OGG1: variants seen among roughly 807,000 people sequenced by gnomAD.
OGG1 encodes the protein N-glycosylase/DNA lyase.
A neutral mutation model predicts 42.3 loss-of-function variants in OGG1; 35 were observed. That is an observed-to-expected ratio of 0.83 (90% CI 0.63 to 1.10). The LOEUF (loss-of-function observed/expected upper bound fraction) is 1.10. Ranked by LOEUF, OGG1 falls within the 50% of genes least tolerant of loss-of-function variation. The pLI is 0.00. For synonymous variants in OGG1, 189 were observed against 179.0 expected (o/e 1.06, Z -0.44); for missense variants, 484 against 446.7 (o/e 1.08, Z -0.75).
chr3:9,769,592 C>T (rs1248206708), downstream of OGG1, among the ~76,000 whole-genome samples: 1 of 152,192 alleles, frequency 6.6e-6, no homozygotes, highest in Non-Finnish European at 1.5e-5. Flanking sequence ...CAGTCAGGCC[C>T]AGCTGAAGGC....
chr3:9,750,274 G>C lies in OGG1; in HGVS notation c.-13G>C, dbSNP rs374962591. On this transcript the variant is annotated 5_prime_UTR_variant, in exon 1 of 7. Transcript: ENST00000344629. ...GTAGGCGGGGCTACTACGGGGCGGT[G>C]CCTGCTGTGGAAATGCCTGCCCGCG... The C allele has an allele frequency of 1.9e-6, 3 of 1,606,666 alleles. No homozygotes were observed. The highest frequency in any genetic ancestry group is 1.1e-5 in the South Asian group (1 of 90,870).
chr3:9,760,488 A>G (rs2077802988), downstream of OGG1: 13 of 613,126 alleles, frequency 2.1e-5, no homozygotes, highest in East Asian at 3.8e-4. Flanking sequence ...AGCAGAAGGA[A>G]GTACCCAAGC....
downstream of OGG1, among the ~76,000 whole-genome samples, chr3:9,770,850 G>A (rs1260407684): frequency 6.6e-6 from 1 of 152,048 alleles, no homozygotes; most frequent in Non-Finnish European, 1.5e-5. Flanking sequence ...GGGGGCAGCC[G>A]GAGGAGGCAC....
intron 3 of OGG1, chr3:9,784,346 A>G: frequency 8.4e-7 from 1 of 1,185,642 alleles, no homozygotes. Context: ...ATCTATCCAG[A>G]TACAAAGGGA....
At chr3:9,785,637 A>G (rs2078589598) in intron 3 of OGG1, among the ~76,000 whole-genome samples, 1 of 152,248 alleles carries the variant, frequency 6.6e-6, no homozygotes, top group Admixed American at 6.5e-5. Context: ...AAAAAGGAAC[A>G]CAGAAGAGAA....
chr3:9,750,717 A>T, intron 1 of OGG1: 1 of 692,918 alleles, frequency 1.4e-6, no homozygotes, highest in Non-Finnish European at 2.4e-6. Flanking sequence ...TCCAGCCTCG[A>T]CCCCCCGGGC....
intron 4 of OGG1, among the ~76,000 whole-genome samples, chr3:9,755,397 G>A (rs2077490522): frequency 6.6e-6 from 1 of 151,172 alleles, no homozygotes; most frequent in South Asian, 2.1e-4. Flanking sequence ...GACATGTACT[G>A]ACAAAACTTT....
At chr3:9,771,125 T>C (rs1343622258), downstream of OGG1, among the ~76,000 whole-genome samples, 1 of 151,896 alleles carries the variant, frequency 6.6e-6, no homozygotes, top group Non-Finnish European at 1.5e-5. Context: ...ACTCCTGGGC[T>C]CAAGTCATCT....
downstream of OGG1, among the ~76,000 whole-genome samples, chr3:9,768,280 A>T (rs1245735903): frequency 6.6e-6 from 1 of 152,116 alleles, no homozygotes; most frequent in African/African-American, 2.4e-5. Flanking sequence ...GCAACATCTC[A>T]GCCACATTTT....
At chr3:9,777,687 G>T (rs2078382346) in intron 2 of OGG1, among the ~76,000 whole-genome samples, 1 of 152,066 alleles carries the variant, frequency 6.6e-6, no homozygotes, top group South Asian at 2.1e-4. Flanking sequence ...GTCTTCTAGG[G>T]TTCTTCTTTC....
rs34371840 is a variant in OGG1 at position 9,753,656 on chromosome 3, C to CA, written c.566-1037dup. ...GCGACAGAGTGAGACTCTGTCTCAA[C>CA]AAAAAAAAAAAGAAACCTGTTCTTG... On this transcript the variant is annotated intron_variant, in intron 3 of 6. Coordinates refer to ENST00000344629, the MANE Select transcript of OGG1 (RefSeq NM_002542.6). 1.6e-3 allele frequency among the ~76,000 whole-genome samples: 231 copies of CA among 145,158 alleles called. 1 individual carries two copies. Among genetic ancestry groups the CA allele is most frequent in the African/African-American group, 5.0e-3 (197 of 39,738 alleles).
At chr3:9,761,468 A>T (rs1323708723), downstream of OGG1, 1 of 1,611,444 alleles carries the variant, frequency 6.2e-7, no homozygotes, top group Non-Finnish European at 8.5e-7. Flanking sequence ...TACAAGATGT[A>T]GGCGATGACA....
intron 3 of OGG1, 169 bp downstream of exon 3, chr3:9,752,118 C>T: frequency 1.5e-6 from 1 of 652,358 alleles, no homozygotes; most frequent in East Asian, 2.7e-5. Flanking sequence ...CTATGCATCC[C>T]TAAAATGTCA....
chr3:9,781,169 G>A (rs2078452292), intron 2 of OGG1, among the ~76,000 whole-genome samples: 2 of 151,978 alleles, frequency 1.3e-5, no homozygotes, highest in South Asian at 4.2e-4. Flanking sequence ...CAGTAGGCTG[G>A]GCAAAGTAGC....
downstream of OGG1, chr3:9,761,192 G>C (rs1211731419): frequency 7.2e-6 from 3 of 417,854 alleles, no homozygotes; most frequent in Non-Finnish European, 1.3e-5. Context: ...CTTGTTGATT[G>C]TCTGTCTTCC....
In OGG1 at chr3:9,756,622, G is replaced by A. The variant is rs372554325; in HGVS notation, c.898+1G>A. On this transcript the variant is annotated splice_donor_variant, in intron 5 of 6. Coordinates refer to ENST00000344629, the MANE Select transcript of OGG1 (RefSeq NM_002542.6). LOFTEE classifies it high-confidence loss of function. Reference sequence around the variant, plus strand: ...AGCCCCCAGACCAACAAGGAACTGGGTGAGGAAAGTGGGCTGCAGGGGCTG... The same window carrying A: ...AGCCCCCAGACCAACAAGGAACTGGATGAGGAAAGTGGGCTGCAGGGGCTG... 4 of 1,613,114 alleles carry A rather than the reference G, an allele frequency of 2.5e-6. No individual in the cohort carries two copies. The African/African-American group carries it at 5.3e-5, about 21-fold the overall frequency.
At chr3:9,763,114 G>A (rs781412302) in intron 7 of OGG1, 7 of 1,614,144 alleles carry the variant, frequency 4.3e-6, no homozygotes, top group African/African-American at 1.3e-5. Context: ...AGGTGTGGGG[G>A]CAGGGCAGAG....
chr3:9,784,341 TC>T, intron 3 of OGG1: 4 of 1,224,520 alleles, frequency 3.3e-6, no homozygotes, highest in Admixed American at 6.1e-5. Context: ...TCTGTATCTA[TC>T]CAGATACAAA....
chr3:9,752,562 G>T (rs932445652), intron 3 of OGG1, among the ~76,000 whole-genome samples: 2 of 149,932 alleles, frequency 1.3e-5, no homozygotes, highest in Non-Finnish European at 3.0e-5. Context: ...ATTCAAGCTG[G>T]TATCATTGTA....
Sources: gnomAD v4.1 joint callset for allele counts (sites outside exome capture counted in the v4.1 genomes callset) on GRCh38, gnomAD v4.1.1 for gene constraint, MANE v1.5 for transcripts, NCBI Gene and HGNC (gene_info 2026-07-23, HGNC 2026-07-21) for gene names.